Variants in MTHFD2L observed in about 807,000 individuals in gnomAD.
MTHFD2L encodes the protein methylenetetrahydrofolate dehydrogenase (NADP+ dependent) 2 like.
Under a neutral mutation model 34.9 loss-of-function variants are expected in MTHFD2L, and 29 were observed. That is an observed-to-expected ratio of 0.83 (90% confidence interval 0.62 to 1.13). The LOEUF is 1.13. MTHFD2L is among the 50% of genes most tolerant of loss of function. The probability of loss-of-function intolerance (pLI) is 0.00; values close to 1 mark genes in which losing one functional copy is unlikely to be tolerated. For missense variants in MTHFD2L, 481 were observed against 446.5 expected (o/e 1.08, Z -0.70); for synonymous variants, 167 against 155.7 (o/e 1.07, Z -0.54).
chr4:74,128,262 A>T (rs1722219812), intron 1 of MTHFD2L, among the ~76,000 whole-genome samples: 3 of 151,822 alleles, frequency 2.0e-5, no homozygotes, highest in Admixed American at 1.3e-4. Flanking sequence ...CTCAATTGTC[A>T]ATTTTTGTTC....
At chr4:74,134,644 C>T (rs1722778491) in intron 1 of MTHFD2L, among the ~76,000 whole-genome samples, 1 of 152,026 alleles carries the variant, frequency 6.6e-6, no homozygotes, top group African/African-American at 2.4e-5. Context: ...ACTGACCCTC[C>T]TGAGATGGCG....
At chr4:74,165,088 C>T (rs1337411954) in intron 1 of MTHFD2L, 3 of 502,800 alleles carry the variant, frequency 6.0e-6, no homozygotes, top group Non-Finnish European at 7.7e-6. Flanking sequence ...TAAAAAGGGG[C>T]ACGAATGTAA....
At chr4:74,257,282 C>T (rs2110213254) in intron 6 of MTHFD2L, among the ~76,000 whole-genome samples, 1 of 151,892 alleles carries the variant, frequency 6.6e-6, no homozygotes, top group African/African-American at 2.4e-5. Context: ...AAGTTTTTAC[C>T]TATAAAAATT....
chr4:74,245,693 G>A lies in MTHFD2L; in HGVS notation c.805+20299G>A, dbSNP rs984013570. ...CTTCCTGTGTCCATGTGTTCTCATT[G>A]TTCAGTTCCCATCTATGAGTGAGAA... On this transcript the variant is annotated intron_variant, in intron 6 of 7. Transcript: ENST00000325278. Among the ~76,000 whole-genome samples the A allele has an allele frequency of 2.0e-5, 3 of 151,236 alleles. No homozygotes were observed. The East Asian group carries it at 5.8e-4, about 29-fold the overall frequency.
chr4:74,117,412 G>A lies in MTHFD2L; in HGVS notation c.-144+2755G>A, dbSNP rs930172312. 4.6e-5 allele frequency among the ~76,000 whole-genome samples: 7 copies of A among 152,186 alleles called. No homozygotes were observed. The East Asian group carries it at 9.6e-4, about 21-fold the overall frequency. ...GAAGTCAGTTAAGAAAAGGTACAGT[G>A]GGTTTTCAGGCTGCAGGGTACAGAA... is the stretch of plus-strand genomic sequence containing the variant. On this transcript the variant is annotated intron_variant and NMD_transcript_variant, in intron 2 of 9. Coordinates refer to the MTHFD2L transcript ENST00000429519.
intron 3 of MTHFD2L, among the ~76,000 whole-genome samples, chr4:74,179,522 G>T (rs1247720209): frequency 6.6e-6 from 1 of 152,034 alleles, no homozygotes; most frequent in Non-Finnish European, 1.5e-5. Context: ...TTTGCTAGCA[G>T]AAGATATTAT....
At chr4:74,253,121 C>T (rs1051849572) in intron 6 of MTHFD2L, among the ~76,000 whole-genome samples, 4 of 152,030 alleles carry the variant, frequency 2.6e-5, no homozygotes, top group Non-Finnish European at 5.9e-5. Context: ...AACTGTCACT[C>T]AGTAGAATGG....
rs1171152813 is a variant in MTHFD2L, at chr4:74,259,637, G to A, written c.806-21788G>A. ...GACCATAGGTACATTCAAACCTGAG[G>A]ACCCTGTCAAAAACAATGACAATTT... On this transcript the variant is annotated intron_variant, in intron 6 of 7. Transcript: ENST00000325278. Among the ~76,000 whole-genome samples the A allele has an allele frequency of 2.8e-4, 42 of 152,164 alleles. 1 individual carries two copies. The highest frequency in any genetic ancestry group is 2.7e-3 in the Admixed American group (42 of 15,280).
chr4:74,300,301 A>G (rs1364117215), intron 7 of MTHFD2L, among the ~76,000 whole-genome samples: 1 of 152,022 alleles, frequency 6.6e-6, no homozygotes, highest in Non-Finnish European at 1.5e-5. Context: ...TTCAAGTAAA[A>G]CAATGTTATT....
At chr4:74,278,661 T>C (rs1034461804) in intron 6 of MTHFD2L, among the ~76,000 whole-genome samples, 2 of 152,074 alleles carry the variant, frequency 1.3e-5, no homozygotes, top group Non-Finnish European at 2.9e-5. Context: ...TCAGCTTTCC[T>C]CTATGGTTCT....
intron 1 of MTHFD2L, 22 bp downstream of exon 1, chr4:74,158,303 G>A: frequency 7.9e-7 from 1 of 1,259,734 alleles, no homozygotes; most frequent in African/African-American, 1.6e-5. Flanking sequence ...GCGGGCGCCG[G>A]GTGCGGAGCC....
chr4:74,173,069 TC>T (rs1219274706), intron 1 of MTHFD2L, among the ~76,000 whole-genome samples: 2 of 152,180 alleles, frequency 1.3e-5, no homozygotes, highest in African/African-American at 4.8e-5. Flanking sequence ...CTTTCCCTTT[TC>T]CTCCTTTTCA....
At chr4:74,157,384 T>C (rs1724369193), upstream of MTHFD2L, 2 of 294,950 alleles carry the variant, frequency 6.8e-6, no homozygotes, top group Non-Finnish European at 1.3e-5. Flanking sequence ...TTTTTGTGTG[T>C]CTGTCTTAAT....
At chr4:74,267,929 A>G in intron 6 of MTHFD2L, 2 of 985,342 alleles carry the variant, frequency 2.0e-6, no homozygotes, top group Non-Finnish European at 2.4e-6. Flanking sequence ...TGAGCTCTGT[A>G]AGGAACCTAG....
At chr4:74,247,630 G>A (rs368492322) in intron 6 of MTHFD2L, among the ~76,000 whole-genome samples, 7 of 152,140 alleles carry the variant, frequency 4.6e-5, no homozygotes, top group East Asian at 1.9e-4. Context: ...CATAGATAGC[G>A]CTTATTATTT....
intron 5 of MTHFD2L, among the ~76,000 whole-genome samples, chr4:74,212,490 G>A (rs1195769005): frequency 6.6e-6 from 1 of 152,154 alleles, no homozygotes; most frequent in Non-Finnish European, 1.5e-5. Context: ...CAGTTTTCAT[G>A]TAGTTGTGTG....
intron 6 of MTHFD2L, among the ~76,000 whole-genome samples, chr4:74,247,534 G>T (rs1742655939): frequency 6.6e-6 from 1 of 152,150 alleles, no homozygotes; most frequent in South Asian, 2.1e-4. Flanking sequence ...GGAGTGGTGA[G>T]AGAGGGCATC....
chr4:74,191,716 A>G (rs1732556728), intron 3 of MTHFD2L, among the ~76,000 whole-genome samples: 2 of 151,634 alleles, frequency 1.3e-5, no homozygotes, highest in African/African-American at 2.4e-5. Context: ...ACGCCCAGGT[A>G]ATTTTTTGTA....
rs1273769833 is a variant in MTHFD2L, at chr4:74,301,775, A to C, written c.1010A>C (p.Asn337Thr). 1 of 1,607,748 alleles carries C rather than the reference A, an allele frequency of 6.2e-7. No homozygotes were observed. The highest frequency in any genetic ancestry group is 8.5e-7 in the Non-Finnish European group (1 of 1,176,550). Residue 337 changes from asparagine to threonine, a missense_variant, in exon 8 of 8, where the codon AAC becomes ACC. Coordinates refer to ENST00000325278, the MANE Select transcript of MTHFD2L (RefSeq NM_001144978.3). ...GPMTVAMLLKNTLLAAKKIIY is the reference protein window; with the variant it reads ...GPMTVAMLLKTTLLAAKKIIY ...ATGACAGTGGCAATGCTTCTGAAGAACACCCTTCTGGCAGCTAAAAAAATC... is the reference window on the plus strand; with the variant it reads ...ATGACAGTGGCAATGCTTCTGAAGACCACCCTTCTGGCAGCTAAAAAAATC...
Sources: allele counts gnomAD v4.1 joint callset (sites outside exome capture counted in the v4.1 genomes callset), GRCh38; gene constraint gnomAD v4.1.1; transcripts MANE v1.5; gene names NCBI Gene and HGNC (gene_info 2026-07-23, HGNC 2026-07-21).